CSNK2A2IP: variants seen among roughly 807,000 people sequenced by gnomAD.
CSNK2A2IP encodes the protein casein kinase 2 subunit alpha' interacting protein, also known as casein kinase II subunit alpha'-interacting protein.
chr3:88,447,287 C>A, the CSNK2A2IP span, among the ~76,000 whole-genome samples: 1 of 151,944 alleles, frequency 6.6e-6, no homozygotes, highest in Non-Finnish European at 1.5e-5. Context: ...TAGAGGGAAG[C>A]AAAGAAATAA....
At chr3:88,429,354 C>A in the CSNK2A2IP span, among the ~76,000 whole-genome samples, 6 of 152,242 alleles carry the variant, frequency 3.9e-5, no homozygotes, top group African/African-American at 1.2e-4. Flanking sequence ...GCAACCAGTG[C>A]CCCACAGCAC....
At chr3:88,377,365 T>C in the CSNK2A2IP span, among the ~76,000 whole-genome samples, 1 of 151,890 alleles carries the variant, frequency 6.6e-6, no homozygotes, top group African/African-American at 2.4e-5. Flanking sequence ...ATTAAATTAT[T>C]TGTTAAACCC....
chr3:88,354,450 TGAACAGAAG>T, the CSNK2A2IP span, among the ~76,000 whole-genome samples: 1 of 152,198 alleles, frequency 6.6e-6, no homozygotes, highest in East Asian at 1.9e-4. Flanking sequence ...TAAGGAATGC[TGAACAGAAG>T]CATAAAGGTT....
chr3:88,385,114 T>C, the CSNK2A2IP span, among the ~76,000 whole-genome samples: 2 of 152,128 alleles, frequency 1.3e-5, no homozygotes, highest in African/African-American at 2.4e-5. Flanking sequence ...TTAAATCACC[T>C]TGGGAGAGAG....
the CSNK2A2IP span, among the ~76,000 whole-genome samples, chr3:88,412,528 T>C: frequency 2.0e-5 from 3 of 152,064 alleles, no homozygotes; most frequent in African/African-American, 7.3e-5. Context: ...TTAAGTATGC[T>C]TGGGTACTCA....
the CSNK2A2IP span, among the ~76,000 whole-genome samples, chr3:88,356,423 C>G: frequency 1.2e-4 from 19 of 152,170 alleles, no homozygotes; most frequent in East Asian, 3.7e-3. Context: ...CTGCAAATGA[C>G]AGTATTTCAT....
At chr3:88,416,481 A>G in the CSNK2A2IP span, among the ~76,000 whole-genome samples, 1 of 152,142 alleles carries the variant, frequency 6.6e-6, no homozygotes, top group Non-Finnish European at 1.5e-5. Flanking sequence ...AGCATTTTGA[A>G]CCTTCAGATA....
the CSNK2A2IP span, among the ~76,000 whole-genome samples, chr3:88,450,219 A>G: frequency 6.6e-6 from 1 of 152,126 alleles, no homozygotes; most frequent in African/African-American, 2.4e-5. Context: ...GGTATACAAC[A>G]TGATGTTATA....
chr3:88,393,221 G>A, the CSNK2A2IP span, among the ~76,000 whole-genome samples: 3 of 152,304 alleles, frequency 2.0e-5, no homozygotes, highest in East Asian at 5.8e-4. Context: ...AAGCATTTCA[G>A]GTAAACTTAC....
At chr3:88,350,766 A>G in the CSNK2A2IP span, among the ~76,000 whole-genome samples, 1 of 152,128 alleles carries the variant, frequency 6.6e-6, no homozygotes, top group South Asian at 2.1e-4. Context: ...GTAAAGCTAC[A>G]GATTTCAAAA....
the CSNK2A2IP span, among the ~76,000 whole-genome samples, chr3:88,385,968 C>T: frequency 1.3e-5 from 2 of 152,066 alleles, no homozygotes; most frequent in Non-Finnish European, 2.9e-5. Context: ...CTCTGCAAGT[C>T]TGAGGTCATT....
the CSNK2A2IP span, among the ~76,000 whole-genome samples, chr3:88,383,256 G>A: frequency 6.6e-6 from 1 of 152,154 alleles, no homozygotes; most frequent in Non-Finnish European, 1.5e-5. Flanking sequence ...AAGAGATTAT[G>A]CAGCATTGTA....
chr3:88,387,217 A>C, the CSNK2A2IP span, among the ~76,000 whole-genome samples: 1 of 144,280 alleles, frequency 6.9e-6, no homozygotes, highest in Non-Finnish European at 1.5e-5. Flanking sequence ...GCTGGAGTGC[A>C]GTTTCAGGAT....
At chr3:88,411,956 A>T in the CSNK2A2IP span, among the ~76,000 whole-genome samples, 5 of 151,760 alleles carry the variant, frequency 3.3e-5, no homozygotes, top group Non-Finnish European at 5.9e-5. Context: ...CTGACTAGAA[A>T]GTTTGAACTT....
chr3:88,464,647 CA>C, the CSNK2A2IP span, among the ~76,000 whole-genome samples: 1 of 151,906 alleles, frequency 6.6e-6, no homozygotes, highest in Non-Finnish European at 1.5e-5. Context: ...AGATGATAGT[CA>C]TGGGTAACTG....
At chr3:88,359,619 A>T in the CSNK2A2IP span, among the ~76,000 whole-genome samples, 1 of 152,116 alleles carries the variant, frequency 6.6e-6, no homozygotes, top group African/African-American at 2.4e-5. Flanking sequence ...TTATTTAAAG[A>T]CCCAATGGTC....
chr3:88,451,960 G>C, the CSNK2A2IP span, among the ~76,000 whole-genome samples: 439 of 151,736 alleles, frequency 2.9e-3, 2 homozygotes, highest in African/African-American at 9.9e-3. Context: ...ATTCTTCCTT[G>C]TCCTGTGCCT....
the CSNK2A2IP span, among the ~76,000 whole-genome samples, chr3:88,435,991 A>G: frequency 6.7e-6 from 1 of 149,620 alleles, no homozygotes; most frequent in Non-Finnish European, 1.5e-5. Context: ...GGAAAAGGGT[A>G]AAGAGAAAGA....
At chr3:88,445,184 T>C in the CSNK2A2IP span, among the ~76,000 whole-genome samples, 5 of 150,086 alleles carry the variant, frequency 3.3e-5, no homozygotes, top group African/African-American at 1.2e-4. Context: ...GTTTCTGCAC[T>C]TTGGGACGCT....
Sources: allele counts gnomAD v4.1 joint callset (sites outside exome capture counted in the v4.1 genomes callset), GRCh38; gene constraint gnomAD v4.1.1; transcripts MANE v1.5; gene names NCBI Gene and HGNC (gene_info 2026-07-23, HGNC 2026-07-21).